The following OSBPL9 variants were observed in gnomAD, a reference collection of about 807,000 sequenced individuals.
The protein encoded by OSBPL9 is oxysterol binding protein like 9.
In OSBPL9, 40 loss-of-function variants were observed where a neutral mutation model predicts 106.6. The ratio of observed to expected loss-of-function variants is 0.38; its 90% CI spans 0.29 to 0.49. The LOEUF (loss-of-function observed/expected upper bound fraction) is 0.49, where lower values mean the gene tolerates loss of function less well. OSBPL9 is among the 20% of genes least tolerant of loss of function. The pLI, the probability that OSBPL9 is intolerant of heterozygous loss-of-function variation, is 0.97. For missense variants in OSBPL9, 609 were observed against 887.2 expected, an observed-to-expected ratio of 0.69 and a Z score of 3.98; for synonymous variants, 269 against 295.4, an observed-to-expected ratio of 0.91 and a Z score of 0.92.
At chr1:51,582,071 G>A (rs1310476429) in intron 1 of OSBPL9, among the ~76,000 whole-genome samples, 3 of 152,098 alleles carry the variant, frequency 2.0e-5, no homozygotes, top group African/African-American at 7.2e-5. Flanking sequence ...AAAAGTAAAT[G>A]TTTTAATTGG....
At chr1:51,741,836 AC>A in intron 4 of OSBPL9, among the ~76,000 whole-genome samples, 1 of 152,178 alleles carries the variant, frequency 6.6e-6, no homozygotes, top group East Asian at 1.9e-4. Flanking sequence ...ATGAATTCAT[AC>A]AGGAATCATC....
chr1:51,631,131 G>A (rs1570656636), intron 1 of OSBPL9, among the ~76,000 whole-genome samples: 1 of 152,182 alleles, frequency 6.6e-6, no homozygotes, highest in Admixed American at 6.5e-5. Flanking sequence ...GATTGGTTGG[G>A]TTGGAGCTGT....
intron 4 of OSBPL9, among the ~76,000 whole-genome samples, chr1:51,730,738 C>A (rs940975681): frequency 6.6e-6 from 1 of 152,064 alleles, no homozygotes; most frequent in Non-Finnish European, 1.5e-5. Context: ...AACAAGAAAA[C>A]CAGTTTTGCT....
At chr1:51,669,736 A>T in intron 3 of OSBPL9, 1 of 640,172 alleles carries the variant, frequency 1.6e-6, no homozygotes, top group African/African-American at 1.8e-5. Flanking sequence ...GCAGTTGGAG[A>T]TGAAAATTTT....
At chr1:51,616,002 GGTTTTTTTTT>G (rs1425173150), upstream of OSBPL9, among the ~76,000 whole-genome samples, 4 of 130,416 alleles carry the variant, frequency 3.1e-5, no homozygotes, top group African/African-American at 1.2e-4. Flanking sequence ...TAAATCCTTT[GGTTTTTTTTT>G]TTTTTTTTTT....
the OSBPL9 span, among the ~76,000 whole-genome samples, chr1:51,544,747 A>G: frequency 5.0e-4 from 76 of 152,156 alleles, no homozygotes; most frequent in African/African-American, 1.7e-3. Context: ...ATCTTAATAT[A>G]TAATAATAAC....
chr1:51,779,757 A>C (rs944703066), intron 15 of OSBPL9, among the ~76,000 whole-genome samples: 3 of 152,204 alleles, frequency 2.0e-5, no homozygotes, highest in Admixed American at 6.5e-5. Flanking sequence ...ATGAATAGAC[A>C]ATTATCAAAA....
chr1:51,610,435 T>G (rs1643979854), intron 2 of OSBPL9, among the ~76,000 whole-genome samples: 1 of 152,126 alleles, frequency 6.6e-6, no homozygotes, highest in Non-Finnish European at 1.5e-5. Context: ...TAATTTTGTA[T>G]TTTTGGTAGA....
At chr1:51,607,170 T>C (rs1274363914) in intron 2 of OSBPL9, among the ~76,000 whole-genome samples, 5 of 147,786 alleles carry the variant, frequency 3.4e-5, no homozygotes, top group African/African-American at 4.9e-5. Flanking sequence ...TTTTCTTTTT[T>C]TTTTTTTTTT....
intron 20 of OSBPL9, 28 bp from the exon 21 acceptor site, chr1:51,785,780 T>TA: frequency 6.3e-7 from 1 of 1,596,280 alleles, no homozygotes. Context: ...AACTTGAGAC[T>TA]AACACAAGTA....
In OSBPL9 at chr1:51,628,684, C is replaced by CTT. The variant is rs909175159; in HGVS notation, c.111+11479_111+11480dup. ...TGCTTCAATTTATCTTTCTTTTTTT[C>CTT]TTTTTTTTTTTTTTTTTGAGATGGA... is the stretch of plus-strand genomic sequence containing the variant. On this transcript the variant is annotated intron_variant, in intron 1 of 23. Coordinates refer to ENST00000428468, the MANE Select transcript of OSBPL9 (RefSeq NM_024586.6). Among the ~76,000 whole-genome samples, 140 of 134,480 alleles carry CTT rather than the reference C, an allele frequency of 1.0e-3. 1 individual carries two copies. The highest frequency in any genetic ancestry group is 2.9e-3 in the African/African-American group (104 of 36,340). 88.2% of individuals were successfully genotyped at this position (134,480 alleles called of 152,430 possible).
intron 6 of OSBPL9, among the ~76,000 whole-genome samples, chr1:51,747,059 C>T (rs1668134013): frequency 6.6e-6 from 1 of 152,134 alleles, no homozygotes; most frequent in Non-Finnish European, 1.5e-5. Context: ...AACCTCCACC[C>T]TCTGGGTTAA....
intron 7 of OSBPL9, chr1:51,749,604 C>T (rs1487248433): frequency 1.3e-5 from 4 of 312,610 alleles, no homozygotes; most frequent in African/African-American, 4.3e-5. Flanking sequence ...AATCACCATA[C>T]CCAGCCTATC....
chr1:51,671,042 T>A (rs1316164563), intron 3 of OSBPL9, among the ~76,000 whole-genome samples: 3 of 152,198 alleles, frequency 2.0e-5, no homozygotes, highest in Admixed American at 2.0e-4. Flanking sequence ...TCATACTTAT[T>A]TGGCTTATAA....
the OSBPL9 span, among the ~76,000 whole-genome samples, chr1:51,560,036 G>C: frequency 6.6e-6 from 1 of 152,158 alleles, no homozygotes; most frequent in African/African-American, 2.4e-5. Flanking sequence ...GTACTCCTAT[G>C]TTGGTCTTCT....
Position 51,729,684 on chromosome 1 carries a change from C to T in OSBPL9, c.318+15605C>T. ...ACCCAAAACTGGCCCAACCGCCAAT[C>T]GTCTGCCTCTCACCTCCTACAGCAG... On this transcript the variant is annotated intron_variant, in intron 4 of 23. Transcript: ENST00000428468. This position sits in a 1 kb window ranked among gnomAD's most constrained non-coding sequence, Gnocchi z 5.1. The T allele has an allele frequency of 3.9e-6, 2 of 514,978 alleles. No homozygotes were observed. Among genetic ancestry groups the T allele is most frequent in the Non-Finnish European group, 5.8e-6 (2 of 347,370 alleles). The allele number at this position is 514,978 out of a possible 1,614,324, so 31.9% of individuals were successfully genotyped here.
intron 2 of OSBPL9, among the ~76,000 whole-genome samples, chr1:51,660,226 A>G (rs1647054605): frequency 6.6e-6 from 1 of 152,208 alleles, no homozygotes; most frequent in Non-Finnish European, 1.5e-5. Context: ...CTTAGAAAAA[A>G]AGCATAGGTG....
At chr1:51,773,522 A>G (rs1419542556) in intron 14 of OSBPL9, among the ~76,000 whole-genome samples, 1 of 152,166 alleles carries the variant, frequency 6.6e-6, no homozygotes, top group Non-Finnish European at 1.5e-5. Flanking sequence ...TGAGATTCTA[A>G]TCTGCTCCAT....
Position 51,729,165 on chromosome 1 carries a change from C to G in OSBPL9, c.318+15086C>G, listed in dbSNP as rs1202860048. The G allele has an allele frequency of 6.6e-6, 1 of 152,242 alleles. No individual in the cohort carries two copies. The highest frequency in any genetic ancestry group is 2.4e-5 in the African/African-American group (1 of 41,446). 9.4% of individuals were successfully genotyped at this position (152,242 alleles called of 1,614,324 possible). A position where few individuals can be genotyped will look rare whatever the true frequency, so the allele number is the denominator to read the frequency against. On this transcript the variant is annotated intron_variant, in intron 4 of 23. Transcript: ENST00000428468. This position sits in a 1 kb window ranked among gnomAD's most constrained non-coding sequence, Gnocchi z 5.1. ...CATTCCTTATGGAGCTGTGGCACAA[C>G]AGCAAGCCCACGATGTCTCACCGGA... is the stretch of plus-strand genomic sequence containing the variant.
Sources: gnomAD v4.1 joint callset for allele counts (sites outside exome capture counted in the v4.1 genomes callset) on GRCh38, gnomAD v4.1.1 for gene constraint, Gnocchi (gnomAD v3.1) non-coding constraint, MANE v1.5 for transcripts, NCBI Gene and HGNC (gene_info 2026-07-23, HGNC 2026-07-21) for gene names.